The following NDUFAF6 variants were observed in gnomAD, a reference collection of about 807,000 sequenced individuals.
NDUFAF6 encodes NADH dehydrogenase (ubiquinone) complex I, assembly factor 6.
In NDUFAF6, 45 loss-of-function variants were observed where a neutral mutation model predicts 40.8. That is an observed-to-expected ratio of 1.10 (90% CI 0.87 to 1.42). The LOEUF (loss-of-function observed/expected upper bound fraction) is 1.42, where lower values mean the gene tolerates loss of function less well. NDUFAF6 is among the 40% of genes most tolerant of loss of function. The pLI is 0.00. For synonymous variants in NDUFAF6, 185 were observed against 155.9 expected, an observed-to-expected ratio of 1.19 and a Z score of -1.39; for missense variants, 435 against 418.5, an observed-to-expected ratio of 1.04 and a Z score of -0.34.
intron 2 of NDUFAF6, among the ~76,000 whole-genome samples, chr8:95,005,554 A>ATATATATATATATAAAT (rs1554657858): frequency 8.7e-6 from 1 of 115,354 alleles, no homozygotes; most frequent in Non-Finnish European, 1.7e-5. Context: ...TATATATATA[A>ATATATATATATATAAAT]AAAATATATT....
intron 9 of NDUFAF6, among the ~76,000 whole-genome samples, chr8:95,063,933 G>A (rs1027873982): frequency 4.0e-5 from 6 of 151,022 alleles, no homozygotes; most frequent in Non-Finnish European, 5.9e-5. Flanking sequence ...GTGCAGTGGC[G>A]TGATCTCTGC....
upstream of NDUFAF6, among the ~76,000 whole-genome samples, chr8:94,954,255 G>A (rs1822880793): frequency 6.6e-6 from 1 of 152,058 alleles, no homozygotes; most frequent in Non-Finnish European, 1.5e-5. Flanking sequence ...TAGAGACAGG[G>A]TTTCACCATG....
At chr8:95,094,751 CTT>C (rs1468304699) in intron 2 of NDUFAF6, among the ~76,000 whole-genome samples, 123 of 19,448 alleles carry the variant, frequency 6.3e-3, no homozygotes, top group East Asian at 0.056. Context: ...TCTTCTTCTT[CTT>C]TTTTTTTTTT....
chr8:94,973,855 TAA>T (rs754972680), intron 1 of NDUFAF6, among the ~76,000 whole-genome samples: 19,456 of 125,072 alleles, frequency 0.16, 1,462 homozygotes, highest in Middle Eastern at 0.27. Flanking sequence ...CCCCTGTCTC[TAA>T]AAAAAAAAAA....
chr8:94,992,226 A>T (rs1826226496), intron 2 of NDUFAF6, among the ~76,000 whole-genome samples: 1 of 152,120 alleles, frequency 6.6e-6, no homozygotes, highest in African/African-American at 2.4e-5. Flanking sequence ...GGTGGCTCAC[A>T]CCTGTAATCC....
chr8:95,047,666 C>G (rs888193148), intron 6 of NDUFAF6, among the ~76,000 whole-genome samples: 2 of 151,626 alleles, frequency 1.3e-5, no homozygotes, highest in African/African-American at 4.8e-5. Flanking sequence ...CCCGCCACCA[C>G]GCCCAGCTAA....
chr8:95,053,415 A>G (rs1241145399), intron 8 of NDUFAF6, among the ~76,000 whole-genome samples: 1 of 152,156 alleles, frequency 6.6e-6, no homozygotes, highest in African/African-American at 2.4e-5. Flanking sequence ...GCTGTTTAAC[A>G]TACTAAGTAA....
chr8:95,061,603 T>C (rs1447254687), downstream of NDUFAF6, among the ~76,000 whole-genome samples: 1 of 152,180 alleles, frequency 6.6e-6, no homozygotes, highest in African/African-American at 2.4e-5. Context: ...TACAAAGTTA[T>C]TTCTTAAAAG....
In NDUFAF6 at chr8:95,025,008, C is replaced by T; in HGVS notation, c.-1C>T. The T allele has an allele frequency of 7.4e-7, 1 of 1,343,622 alleles. No individual in the cohort carries two copies. Among genetic ancestry groups the T allele is most frequent in the Non-Finnish European group, 9.5e-7 (1 of 1,055,870 alleles). The allele number at this position is 1,343,622 out of a possible 1,614,324, so 83.2% of individuals were successfully genotyped here. A position where few individuals can be genotyped will look rare whatever the true frequency, so the allele number is the denominator to read the frequency against. On this transcript the variant is annotated 5_prime_UTR_variant, in exon 1 of 9. Coordinates refer to ENST00000396124, the MANE Select transcript of NDUFAF6 (RefSeq NM_152416.4). ...GTCGAAGGGCACGCAGTGCCGGCGT[C>T]ATGGCGGCCTCCGCGCACGGCTCTG...
intron 9 of NDUFAF6, among the ~76,000 whole-genome samples, chr8:95,066,310 T>TTTTA (rs1832703164): frequency 1.1e-5 from 1 of 94,260 alleles, no homozygotes; most frequent in African/African-American, 3.7e-5. Flanking sequence ...TTTTTTTTTT[T>TTTTA]GAGAGACAGG....
chr8:94,988,026 T>C (rs1826012035), intron 2 of NDUFAF6, among the ~76,000 whole-genome samples: 2 of 152,224 alleles, frequency 1.3e-5, no homozygotes, highest in Non-Finnish European at 2.9e-5. Context: ...TCTTAAGGCC[T>C]GTGGGTTCTG....
At chr8:95,101,995 ATT>A (rs5893317) in intron 2 of NDUFAF6, among the ~76,000 whole-genome samples, 34,036 of 150,194 alleles carry the variant, frequency 0.23, 4,269 homozygotes, top group African/African-American at 0.33. Flanking sequence ...CTAAAAAAGT[ATT>A]TTTTTTTTTT....
At chr8:94,915,703 C>G (rs1281472211) in intron 1 of NDUFAF6, among the ~76,000 whole-genome samples, 1 of 152,192 alleles carries the variant, frequency 6.6e-6, no homozygotes, top group Non-Finnish European at 1.5e-5. Flanking sequence ...TCAGTGTTTC[C>G]TCTTCTCTGC....
At chr8:94,906,975 C>T (rs1563698234) in intron 1 of NDUFAF6, among the ~76,000 whole-genome samples, 1 of 152,182 alleles carries the variant, frequency 6.6e-6, no homozygotes, top group Non-Finnish European at 1.5e-5. Flanking sequence ...CAATGTTGGA[C>T]AGTAAATGAA....
At chr8:94,959,076 AGAG>A (rs1823331884) in intron 1 of NDUFAF6, among the ~76,000 whole-genome samples, 1 of 37,778 alleles carries the variant, frequency 2.6e-5, no homozygotes, top group Non-Finnish European at 6.4e-5. Flanking sequence ...GCTGCGGGAA[AGAG>A]GGGGTGATTG....
chr8:95,004,465 G>A (rs1433620367), intron 2 of NDUFAF6, among the ~76,000 whole-genome samples: 4 of 144,556 alleles, frequency 2.8e-5, no homozygotes, highest in Non-Finnish European at 6.0e-5. Context: ...AGCCTCCCAC[G>A]TCAGCCTCCC....
At chr8:94,974,464 G>T (rs539541073) in intron 1 of NDUFAF6, 9 of 152,216 alleles carry the variant, frequency 5.9e-5, no homozygotes, top group Non-Finnish European at 1.2e-4. Context: ...TTAAGAAGGG[G>T]TATATTGTTC....
intron 2 of NDUFAF6, among the ~76,000 whole-genome samples, chr8:94,995,173 A>C (rs780797786): frequency 2.6e-5 from 4 of 152,260 alleles, no homozygotes; most frequent in African/African-American, 4.8e-5. Flanking sequence ...ATGCTACAAC[A>C]TGGATGAACC....
chr8:95,039,919 G>A (rs1352069939), intron 3 of NDUFAF6, among the ~76,000 whole-genome samples: 3 of 152,222 alleles, frequency 2.0e-5, no homozygotes, highest in African/African-American at 7.2e-5. Flanking sequence ...GTGAGTCACT[G>A]TGCCCGGCCA....
Sources: allele counts gnomAD v4.1 joint callset (sites outside exome capture counted in the v4.1 genomes callset), GRCh38; gene constraint gnomAD v4.1.1; transcripts MANE v1.5; gene names NCBI Gene and HGNC (gene_info 2026-07-23, HGNC 2026-07-21).